Variants in SKOR1 observed in about 807,000 individuals in gnomAD.
SKOR1 encodes SKI family transcriptional corepressor 1.
SKOR1 carries 38 observed loss-of-function variants against 72.4 expected under a neutral mutation model. The ratio of observed to expected loss-of-function variants is 0.52; its 90% CI spans 0.40 to 0.69. The LOEUF is 0.69. Ranked by LOEUF, SKOR1 falls within the 30% of genes least tolerant of loss-of-function variation. SKOR1 has a pLI of 0.00. For missense variants in SKOR1, 1,320 were observed against 1,343.2 expected (o/e 0.98, Z 0.27); for synonymous variants, 642 against 599.4 (o/e 1.07, Z -1.04).
Position 67,832,793 on chromosome 15 carries a change from TA to T in SKOR1, c.2737+113del, listed in dbSNP as rs1369162859. The T allele has an allele frequency of 2.7e-5, 24 of 881,738 alleles. No homozygotes were observed. Among genetic ancestry groups the T allele is most frequent in the East Asian group, 1.3e-4 (5 of 37,912 alleles). The allele number at this position is 881,738 out of a possible 1,614,324, so 54.6% of individuals were successfully genotyped here. A position where few individuals can be genotyped will look rare whatever the true frequency, so the allele number is the denominator to read the frequency against. On this transcript the variant is annotated intron_variant, in intron 7 of 8. Transcript: ENST00000380035. This position sits in a 1 kb window ranked among gnomAD's most constrained non-coding sequence, Gnocchi z 4.5. ...TTTAAATTGAAGGTAATTTAACAATTATTTTTTTATTTAATATGCTTTGTAT... is the reference window on the plus strand; with the variant it reads ...TTTAAATTGAAGGTAATTTAACAATTTTTTTTTATTTAATATGCTTTGTAT...
In SKOR1 at chr15:67,827,162, A is replaced by G; in HGVS notation, c.1334A>G (p.His445Arg). Residue 445 changes from histidine to arginine, a missense_variant, in exon 2 of 9, where the codon CAC becomes CGC. Coordinates refer to ENST00000380035, the MANE Select transcript of SKOR1 (RefSeq NM_001365915.1). ...GGGAGGPGAS[H>R]LPPGAGAGPG... ...GGTGCGGGGGGCCCGGGAGCCAGCC[A>G]CTTGCCCCCGGGGGCAGGGGCGGGC... 7.4e-7 allele frequency: 1 copy of G among 1,343,010 alleles called. No individual in the cohort carries two copies. Among genetic ancestry groups the G allele is most frequent in the Non-Finnish European group, 9.4e-7 (1 of 1,058,624 alleles). 83.2% of individuals were successfully genotyped at this position (1,343,010 alleles called of 1,614,324 possible).
In SKOR1 at chr15:67,827,333, C is replaced by G; in HGVS notation, c.1505C>G (p.Ser502Cys). The G allele has an allele frequency of 6.9e-6, 11 of 1,589,826 alleles. No individual in the cohort carries two copies. Among genetic ancestry groups the G allele is most frequent in the Non-Finnish European group, 9.4e-6 (11 of 1,176,034 alleles). Reference sequence around the variant, plus strand: ...GCAGCAGGCAGCCTCCCGGTACCGTCCTACCCCGCTGCTCAGAGCCAAGCC... The same window carrying G: ...GCAGCAGGCAGCCTCCCGGTACCGTGCTACCCCGCTGCTCAGAGCCAAGCC... ...WPAAGSLPVP[S>C]YPAAQSQAKA... The change falls in exon 2 of 9, where the codon TCC (serine) becomes TGC (cysteine). Residue 502 changes from serine to cysteine, a missense_variant. Coordinates refer to ENST00000380035, the MANE Select transcript of SKOR1 (RefSeq NM_001365915.1).
chr15:67,830,922 G>A (rs973559865), intron 5 of SKOR1, 33 bp downstream of exon 5: 2 of 1,598,736 alleles, frequency 1.3e-6, no homozygotes, highest in Admixed American at 3.3e-5. Flanking sequence ...GGTGTACGCT[G>A]TGCTTGAGAG....
In SKOR1 at chr15:67,832,577, T is replaced by A. The variant is rs748432660; in HGVS notation, c.2663-30T>A. 5.6e-6 allele frequency: 9 copies of A among 1,600,276 alleles called. No homozygotes were observed. Among genetic ancestry groups the A allele is most frequent in the South Asian group, 1.1e-5 (1 of 90,712 alleles). ...TGGAGCCGGGAGAGGGGGCTGTGCG[T>A]AACAGCTCTCACTTAATCAATTTGC... On this transcript the variant is annotated intron_variant, in intron 6 of 8. Coordinates refer to ENST00000380035, the MANE Select transcript of SKOR1 (RefSeq NM_001365915.1). This position sits in a 1 kb window ranked among gnomAD's most constrained non-coding sequence, Gnocchi z 4.5.
At chr15:67,830,123 G>A (rs923027393) in intron 3 of SKOR1, 68 bp from the exon 4 acceptor site, 3 of 1,529,536 alleles carry the variant, frequency 2.0e-6, no homozygotes, top group Non-Finnish European at 2.7e-6. Context: ...CCCCGACCGC[G>A]GCAGCTCCGG....
rs1005158034 is a variant in SKOR1 at position 67,833,874 on chromosome 15, C to G, written c.*38C>G. The stretch of plus-strand genomic sequence containing the variant: ...CGCACCCCTGCGCCCTCAAGCCATG[C>G]TGCTCCTTGTAAATACCCGCTGCTG... On this transcript the variant is annotated 3_prime_UTR_variant, in exon 9 of 9. Transcript: ENST00000380035. The surrounding 1 kb of genome is among the most constrained non-coding windows in gnomAD (Gnocchi z 6.0). 1.3e-6 allele frequency: 2 copies of G among 1,586,116 alleles called. No individual in the cohort carries two copies. The highest frequency in any genetic ancestry group is 1.7e-6 in the Non-Finnish European group (2 of 1,164,494).
chr15:67,830,307 G>T lies in SKOR1; in HGVS notation c.2515+9G>T, dbSNP rs2141368712. The T allele has an allele frequency of 6.2e-7, 1 of 1,612,768 alleles. No homozygotes were observed. The highest frequency in any genetic ancestry group is 2.2e-5 in the East Asian group (1 of 44,874). On this transcript the variant is annotated intron_variant, in intron 4 of 8. Transcript: ENST00000380035. ...TGCAAATACAGACAGAGGTGAGCCAGCCCTTGAACCCATCGCTCTCCACCG... is the reference window on the plus strand; with the variant it reads ...TGCAAATACAGACAGAGGTGAGCCATCCCTTGAACCCATCGCTCTCCACCG...
At chr15:67,829,046 C>A in intron 2 of SKOR1, 133 bp from the exon 3 acceptor site, 1 of 748,382 alleles carries the variant, frequency 1.3e-6, no homozygotes, top group Non-Finnish European at 2.1e-6. Context: ...TCACTGTGCC[C>A]GCTCAAGTCC....
rs374011660 is a variant in SKOR1 at position 67,833,305 on chromosome 15, G to T, written c.2803+48G>T. The T allele has an allele frequency of 1.3e-6, 2 of 1,592,006 alleles. No individual in the cohort carries two copies. The highest frequency in any genetic ancestry group is 1.7e-6 in the Non-Finnish European group (2 of 1,161,000). On this transcript the variant is annotated intron_variant, in intron 8 of 8. Transcript: ENST00000380035. This position sits in a 1 kb window ranked among gnomAD's most constrained non-coding sequence, Gnocchi z 6.0. Reference sequence around the variant, plus strand: ...ATAGGAGGGGTGCTGGGTGCCGGCCGTGCTGTCGACTGAATGAATGAATAG... The same window carrying T: ...ATAGGAGGGGTGCTGGGTGCCGGCCTTGCTGTCGACTGAATGAATGAATAG...
At position 67,827,537 on chromosome 15, in the gene SKOR1, C is replaced by T. The variant is rs763067991; in HGVS notation, c.1709C>T (p.Ala570Val). ...GPLDEDGTDEALPPPLAPLPP... is the reference protein window; with the variant it reads ...GPLDEDGTDEVLPPPLAPLPP... ...CTGGACGAAGACGGCACGGACGAGG[C>T]GCTGCCACCGCCCCTGGCCCCGTTG... Residue 570 changes from alanine (A) to valine (V), a missense_variant, in exon 2 of 9, where the codon GCG becomes GTG. Ala to Val is a moderately conservative substitution (Grantham distance 64). Coordinates refer to ENST00000380035, the MANE Select transcript of SKOR1 (RefSeq NM_001365915.1). 3.3e-6 allele frequency: 5 copies of T among 1,521,208 alleles called. No individual in the cohort carries two copies. The highest frequency in any genetic ancestry group is 2.0e-5 in the Admixed American group (1 of 49,420). 94.2% of individuals were successfully genotyped at this position (1,521,208 alleles called of 1,614,324 possible).
chr15:67,830,673 A>G lies in SKOR1; in HGVS notation c.2516-145A>G, dbSNP rs2091001692. ...TACTGTAATGTCCTAGAAGGTGGATAGTACTGGATTCCTGTAACTGTCTCC... is the reference window on the plus strand; with the variant it reads ...TACTGTAATGTCCTAGAAGGTGGATGGTACTGGATTCCTGTAACTGTCTCC... On this transcript the variant is annotated intron_variant, in intron 4 of 8. Coordinates refer to ENST00000380035, the MANE Select transcript of SKOR1 (RefSeq NM_001365915.1). 1.8e-5 allele frequency: 14 copies of G among 769,496 alleles called. No individual in the cohort carries two copies. In the South Asian group the frequency reaches 2.0e-4, roughly 11 times the overall value. 47.7% of individuals were successfully genotyped at this position (769,496 alleles called of 1,614,324 possible). A position where few individuals can be genotyped will look rare whatever the true frequency, so the allele number is the denominator to read the frequency against.
chr15:67,826,095 G>A lies in SKOR1; in HGVS notation c.267G>A (p.Ser89=), dbSNP rs762541938. The A allele has an allele frequency of 1.0e-4, 164 of 1,598,962 alleles. 4 individuals are homozygous for A. The South Asian group carries it at 1.8e-3, about 17-fold the overall frequency. ...ETSLYGVPIV[S]LVIDGQERLC... ...CGCTGTACGGGGTGCCCATTGTGTC[G>A]CTGGTCATCGACGGCCAGGAGCGCC... Residue 89 remains serine (S), a synonymous_variant, in exon 2 of 9, where the codon TCG becomes TCA. Transcript: ENST00000380035.
chr15:67,826,624 G>A lies in SKOR1; in HGVS notation c.796G>A (p.Asp266Asn), dbSNP rs1412310457. The A allele has an allele frequency of 6.2e-7, 1 of 1,613,230 alleles. No individual in the cohort carries two copies. The highest frequency in any genetic ancestry group is 1.3e-5 in the African/African-American group (1 of 74,936). ...ATDELSHAWE[D>N]VKAMFNGGTR... ...AGACGAACTGAGCCATGCTTGGGAG[G>A]ACGTCAAGGCCATGTTTAATGGCGG... Residue 266 changes from aspartate (D) to asparagine (N), a missense_variant, in exon 2 of 9, where the codon GAC becomes AAC. Physicochemically the swap from Asp to Asn is conservative, Grantham distance 23. Around this residue, in one of 3 missense-constraint regions of SKOR1, gnomAD observed 1,099 missense variants for 1,025.5 expected, o/e 1.07. Coordinates refer to ENST00000380035, the MANE Select transcript of SKOR1 (RefSeq NM_001365915.1).
At chr15:67,831,009 G>T (rs2091004600) in intron 5 of SKOR1, 120 bp downstream of exon 5, 2 of 985,676 alleles carry the variant, frequency 2.0e-6, no homozygotes, top group Non-Finnish European at 3.2e-6. Context: ...AGGCCTTGGG[G>T]GCATGAGTTT....
intron 3 of SKOR1, among the ~76,000 whole-genome samples, 165 bp downstream of exon 3, chr15:67,829,434 CT>C (rs2090991165): frequency 1.3e-5 from 2 of 152,374 alleles, no homozygotes; most frequent in South Asian, 4.1e-4. Flanking sequence ...CTCCCAACAA[CT>C]TCCAATCTTT....
Position 67,827,095 on chromosome 15 carries a change from C to A in SKOR1, c.1267C>A (p.Pro423Thr). The A allele has an allele frequency of 1.4e-6, 2 of 1,471,522 alleles. No homozygotes were observed. Among genetic ancestry groups the A allele is most frequent in the South Asian group, 1.4e-5 (1 of 71,802 alleles). The allele number at this position is 1,471,522 out of a possible 1,614,324, so 91.2% of individuals were successfully genotyped here. A position where few individuals can be genotyped will look rare whatever the true frequency, so the allele number is the denominator to read the frequency against. Reference protein sequence around the residue: ...VLGAGEPKGGPGTGSGGGGAG... With the variant: ...VLGAGEPKGGTGTGSGGGGAG... ...AGGCGCGGGCGAGCCAAAGGGCGGT[C>A]CTGGCACTGGGAGCGGCGGCGGCGG... is the stretch of plus-strand genomic sequence containing the variant. The change falls in exon 2 of 9, where the codon CCT becomes ACT. Residue 423 changes from proline to threonine, a missense_variant. By Grantham distance (38) the Pro-to-Thr change is conservative (BLOSUM62 -1). This residue lies in a region of SKOR1 where 1,099 missense variants were observed against 1,025.5 expected (regional missense o/e 1.07). Transcript: ENST00000380035.
In SKOR1 at chr15:67,832,559, G is replaced by T. The variant is rs756717772; in HGVS notation, c.2663-48G>T. The T allele has an allele frequency of 6.5e-7, 1 of 1,548,972 alleles. No homozygotes were observed. The highest frequency in any genetic ancestry group is 1.4e-5 in the African/African-American group (1 of 73,690). ...GGGCCAGGAGTGAGAAAGTGGAGCC[G>T]GGAGAGGGGGCTGTGCGTAACAGCT... On this transcript the variant is annotated intron_variant, in intron 6 of 8. Transcript: ENST00000380035. The surrounding 1 kb of genome is among the most constrained non-coding windows in gnomAD (Gnocchi z 4.5).
At position 67,832,537 on chromosome 15, in the gene SKOR1, C is replaced by A; in HGVS notation, c.2663-70C>A. 6.9e-7 allele frequency: 1 copy of A among 1,450,786 alleles called. No homozygotes were observed. The highest frequency in any genetic ancestry group is 9.6e-7 in the Non-Finnish European group (1 of 1,039,126). 89.9% of individuals were successfully genotyped at this position (1,450,786 alleles called of 1,614,324 possible). On this transcript the variant is annotated intron_variant, in intron 6 of 8. Transcript: ENST00000380035. This position sits in a 1 kb window ranked among gnomAD's most constrained non-coding sequence, Gnocchi z 4.5. ...TTGGGGGTAGGGGTGAAAGGGGGGG[C>A]CAGGAGTGAGAAAGTGGAGCCGGGA...
Position 67,834,014 on chromosome 15 carries a change from C to T in SKOR1, c.*178C>T. 1.5e-6 allele frequency: 1 copy of T among 685,306 alleles called. No homozygotes were observed. The highest frequency in any genetic ancestry group is 2.6e-6 in the Non-Finnish European group (1 of 391,074). The allele number at this position is 685,306 out of a possible 1,614,324, so 42.5% of individuals were successfully genotyped here. On this transcript the variant is annotated 3_prime_UTR_variant, in exon 9 of 9. Coordinates refer to ENST00000380035, the MANE Select transcript of SKOR1 (RefSeq NM_001365915.1). The surrounding 1 kb of genome is among the most constrained non-coding windows in gnomAD (Gnocchi z 5.8). Reference sequence around the variant, plus strand: ...CCTTGCCCGCCCCCTCCCGGGCGTCCCTGTCCAGGGCCCCGGCTTGGTTTC... The same window carrying T: ...CCTTGCCCGCCCCCTCCCGGGCGTCTCTGTCCAGGGCCCCGGCTTGGTTTC...
Sources: allele counts gnomAD v4.1 joint callset (sites outside exome capture counted in the v4.1 genomes callset), GRCh38; gene constraint gnomAD v4.1.1; regional missense constraint gnomAD v4.1.1; non-coding constraint Gnocchi (gnomAD v3.1); transcripts MANE v1.5; gene names NCBI Gene and HGNC (gene_info 2026-07-23, HGNC 2026-07-21).